Variants in KHDRBS2 observed in about 807,000 individuals in gnomAD.
KHDRBS2 encodes the protein KH domain-containing, RNA-binding, signal transduction-associated protein 2.
KHDRBS2 carries 26 observed loss-of-function variants against 44.3 expected under a neutral mutation model. That is an observed-to-expected ratio of 0.59 (90% confidence interval 0.43 to 0.81). KHDRBS2 has a LOEUF of 0.81. Ranked by LOEUF, KHDRBS2 falls within the 40% of genes least tolerant of loss-of-function variation. The pLI is 0.00. For missense variants in KHDRBS2, 476 were observed against 433.1 expected, an observed-to-expected ratio of 1.10 and a Z score of -0.88; for synonymous variants, 194 against 151.1, an observed-to-expected ratio of 1.28 and a Z score of -2.08.
At chr6:61,850,719 C>G (rs553536660) in intron 6 of KHDRBS2, among the ~76,000 whole-genome samples, 29 of 152,234 alleles carry the variant, frequency 1.9e-4, no homozygotes, top group Non-Finnish European at 3.2e-4. Context: ...TACCTAGGAT[C>G]AAGCTCATGT....
At chr6:62,142,437 G>C (rs899319345) in intron 2 of KHDRBS2, among the ~76,000 whole-genome samples, 1 of 151,890 alleles carries the variant, frequency 6.6e-6, no homozygotes, top group African/African-American at 2.4e-5. Flanking sequence ...GAACCTTTAG[G>C]TGTCATCCAT....
At chr6:61,560,431 C>T in the KHDRBS2 span, among the ~76,000 whole-genome samples, 23 of 152,164 alleles carry the variant, frequency 1.5e-4, no homozygotes, top group African/African-American at 4.6e-4. Flanking sequence ...TTAAGTCCAA[C>T]AACTCTTAGG....
intron 3 of KHDRBS2, among the ~76,000 whole-genome samples, chr6:61,996,625 ACT>A (rs1277141893): frequency 1.3e-5 from 2 of 152,124 alleles, no homozygotes; most frequent in Non-Finnish European, 2.9e-5. Context: ...CAGTTCAGGC[ACT>A]CTGATTTATC....
At chr6:61,987,345 T>G (rs568831753) in intron 3 of KHDRBS2, among the ~76,000 whole-genome samples, 1 of 152,208 alleles carries the variant, frequency 6.6e-6, no homozygotes, top group Non-Finnish European at 1.5e-5. Flanking sequence ...GGAGTAGCTC[T>G]TCCAATGACA....
chr6:61,700,772 T>C (rs1221254391), intron 7 of KHDRBS2, among the ~76,000 whole-genome samples: 3 of 151,482 alleles, frequency 2.0e-5, no homozygotes, highest in Admixed American at 1.3e-4. Flanking sequence ...AGTGATGATC[T>C]AGTATCTGCA....
intron 1 of KHDRBS2, among the ~76,000 whole-genome samples, chr6:62,244,975 T>C (rs1038110619): frequency 6.6e-6 from 1 of 151,854 alleles, no homozygotes; most frequent in Admixed American, 6.6e-5. Flanking sequence ...ACCAAGAAGG[T>C]AAAGGTGACT....
intron 2 of KHDRBS2, among the ~76,000 whole-genome samples, chr6:62,082,192 A>T (rs1395024413): frequency 6.6e-6 from 1 of 152,120 alleles, no homozygotes; most frequent in African/African-American, 2.4e-5. Context: ...AGTTAATCTG[A>T]CTTCCAGACT....
intron 4 of KHDRBS2, among the ~76,000 whole-genome samples, chr6:61,921,565 T>C (rs549473017): frequency 6.6e-6 from 1 of 152,098 alleles, no homozygotes; most frequent in East Asian, 1.9e-4. Context: ...ATATAAATTC[T>C]TTTAGAAGTT....
chr6:62,111,968 T>A (rs1283633061), intron 2 of KHDRBS2, among the ~76,000 whole-genome samples: 1 of 152,054 alleles, frequency 6.6e-6, no homozygotes, highest in Non-Finnish European at 1.5e-5. Context: ...TCCAAGAAAT[T>A]TGGATTTCTA....
intron 6 of KHDRBS2, among the ~76,000 whole-genome samples, chr6:61,767,658 G>T (rs1780207566): frequency 1.3e-5 from 2 of 151,848 alleles, no homozygotes; most frequent in Non-Finnish European, 1.5e-5. Context: ...TTCCACTGAG[G>T]TTACCATGAG....
intron 7 of KHDRBS2, among the ~76,000 whole-genome samples, chr6:61,729,480 A>G (rs1324973058): frequency 6.6e-6 from 1 of 152,178 alleles, no homozygotes; most frequent in African/African-American, 2.4e-5. Flanking sequence ...GCTGGGTCAT[A>G]TGGTAAATGT....
intron 6 of KHDRBS2, among the ~76,000 whole-genome samples, chr6:61,804,107 A>T (rs1786739086): frequency 6.6e-6 from 1 of 152,156 alleles, no homozygotes; most frequent in South Asian, 2.1e-4. Context: ...CATTTCAGAC[A>T]AGGCAAGTCC....
chr6:62,098,012 A>G (rs1388247068), intron 2 of KHDRBS2, among the ~76,000 whole-genome samples: 1 of 152,140 alleles, frequency 6.6e-6, no homozygotes, highest in Admixed American at 6.6e-5. Context: ...CAAACAAACA[A>G]AAAAAGTCTA....
At chr6:62,166,389 A>G (rs1323643892) in intron 2 of KHDRBS2, among the ~76,000 whole-genome samples, 2 of 152,010 alleles carry the variant, frequency 1.3e-5, no homozygotes, top group African/African-American at 2.4e-5. Context: ...TGAAACCCAT[A>G]TATTTTTAAG....
chr6:62,075,018 G>A (rs1294646776), intron 2 of KHDRBS2, among the ~76,000 whole-genome samples: 1 of 151,854 alleles, frequency 6.6e-6, no homozygotes, highest in Non-Finnish European at 1.5e-5. Flanking sequence ...ACTTGTATGT[G>A]TGTACACGTG....
chr6:62,061,550 G>C (rs1165071356), intron 2 of KHDRBS2, among the ~76,000 whole-genome samples: 1 of 149,228 alleles, frequency 6.7e-6, no homozygotes. Context: ...TCCGCTGTTA[G>C]TCTGATGGGC....
chr6:61,822,865 C>T (rs1790166372), intron 6 of KHDRBS2, among the ~76,000 whole-genome samples: 1 of 152,068 alleles, frequency 6.6e-6, no homozygotes, highest in South Asian at 2.1e-4. Context: ...TTCTCTGTAC[C>T]CATGATAAGT....
chr6:62,226,761 C>T lies in KHDRBS2; in HGVS notation c.92-49449G>A, dbSNP rs146782487. ...GCATATGTCTAGCCAGTTTTCCCAG[C>T]ACCATCTATTGAATAGGAGATCCCT... On this transcript the variant is annotated intron_variant, in intron 1 of 8. Transcript: ENST00000281156. Among the ~76,000 whole-genome samples, 274 of 152,282 alleles carry T rather than the reference C, an allele frequency of 1.8e-3. 2 individuals carry two copies. Among genetic ancestry groups the T allele is most frequent in the African/African-American group, 6.2e-3 (259 of 41,558 alleles).
At chr6:61,840,202 C>A (rs1202919932) in intron 6 of KHDRBS2, among the ~76,000 whole-genome samples, 1 of 151,990 alleles carries the variant, frequency 6.6e-6, no homozygotes, top group Non-Finnish European at 1.5e-5. Flanking sequence ...AAATTGCATG[C>A]ATTAAAATAT....
Sources: allele counts gnomAD v4.1 joint callset (sites outside exome capture counted in the v4.1 genomes callset), GRCh38; gene constraint gnomAD v4.1.1; transcripts MANE v1.5; gene names NCBI Gene and HGNC (gene_info 2026-07-23, HGNC 2026-07-21).